Variants in STS observed in about 807,000 individuals in gnomAD.
STS encodes the protein steryl-sulfatase.
A neutral mutation model predicts 26.8 loss-of-function variants in STS; 7 were observed. The observed-to-expected ratio is 0.26, with a 90% CI of 0.15 to 0.49. The LOEUF (loss-of-function observed/expected upper bound fraction) is 0.49, where lower values mean the gene tolerates loss of function less well. Ranked by LOEUF, STS falls within the 20% of genes least tolerant of loss-of-function variation. STS has a pLI of 0.98. For missense variants in STS, 434 were observed against 465.6 expected, an observed-to-expected ratio of 0.93 and a Z score of 0.63; for synonymous variants, 199 against 189.4, an observed-to-expected ratio of 1.05 and a Z score of -0.42.
intron 7 of STS, among the ~76,000 whole-genome samples, chrX:7,295,730 A>G (rs1925633565): frequency 9.0e-6 from 1 of 111,155 alleles, no homozygotes; most frequent in Non-Finnish European, 1.9e-5. Flanking sequence ...CATAAAGCAA[A>G]CAGATCATCC....
intron 8 of STS, among the ~76,000 whole-genome samples, chrX:7,309,673 A>G (rs1006512321): frequency 8.0e-5 from 9 of 111,932 alleles, no homozygotes; most frequent in Non-Finnish European, 1.3e-4. Context: ...TCAATAGGTT[A>G]TTCCTTTTAA....
At chrX:7,313,524 CT>C (rs1426853586) in intron 8 of STS, among the ~76,000 whole-genome samples, 16 of 112,446 alleles carry the variant, frequency 1.4e-4, no homozygotes, top group African/African-American at 5.2e-4. Flanking sequence ...TTGTCATTGG[CT>C]TCCCAAGAGT....
chrX:7,288,250 GA>G (rs1203654196), intron 7 of STS, among the ~76,000 whole-genome samples: 4 of 107,244 alleles, frequency 3.7e-5, no homozygotes, highest in African/African-American at 1.0e-4. Flanking sequence ...GTAATTGGAA[GA>G]TTTTTTTTTT....
chrX:7,266,446 A>G (rs1311408021), intron 6 of STS, among the ~76,000 whole-genome samples: 3 of 111,827 alleles, frequency 2.7e-5, no homozygotes, highest in Admixed American at 9.5e-5. Context: ...CTGGGATTCC[A>G]AGCACATATT....
chrX:7,219,667 A>C (rs2147048317), intron 2 of STS: 2 of 1,211,685 alleles, frequency 1.7e-6, no homozygotes, highest in Non-Finnish European at 2.2e-6. Context: ...ACAGGATCAC[A>C]AGCTGGAGAT....
At chrX:7,177,012 G>A (rs1407597924) in intron 1 of STS, among the ~76,000 whole-genome samples, 2 of 111,725 alleles carry the variant, frequency 1.8e-5, no homozygotes, top group African/African-American at 3.2e-5. Context: ...TTCCCACAGC[G>A]TGTATCATTT....
chrX:7,293,157 A>C (rs1396196928), intron 7 of STS, among the ~76,000 whole-genome samples: 1 of 111,823 alleles, frequency 8.9e-6, no homozygotes, highest in African/African-American at 3.3e-5. Context: ...TGCCATCTCT[A>C]CTTCCGGGTT....
At chrX:7,247,698 G>C (rs766309386) in intron 2 of STS, among the ~76,000 whole-genome samples, 4 of 111,814 alleles carry the variant, frequency 3.6e-5, no homozygotes, top group Non-Finnish European at 7.5e-5. Flanking sequence ...GCAATGGCTG[G>C]TAGAGTCTGG....
At chrX:7,238,643 A>G (rs1220982855) in intron 2 of STS, among the ~76,000 whole-genome samples, 4 of 111,051 alleles carry the variant, frequency 3.6e-5, no homozygotes, top group Non-Finnish European at 7.5e-5. Context: ...AACCTGGACT[A>G]CATAGCGAGA....
rs1923617038 is a variant in STS, at chrX:7,259,516, C to A, written c.550C>A (p.Pro184Thr). ...TTGFKRLVFL[P>T]LQIVGVTLLT... is the part of the protein sequence containing the mutation. The stretch of plus-strand genomic sequence containing the variant: ...GGGCTTCAAGAGGCTGGTCTTCCTC[C>A]CCCTGCAGATCGTCGGGGTCACCCT... Residue 184 changes from proline to threonine, a missense_variant, in exon 6 of 11, where the codon CCC becomes ACC. Physicochemically the swap from Pro to Thr is conservative, Grantham distance 38. Transcript: ENST00000674429. 8.3e-7 allele frequency: 1 copy of A among 1,210,060 alleles called. No individual in the cohort carries two copies. Among genetic ancestry groups the A allele is most frequent in the Non-Finnish European group, 1.1e-6 (1 of 895,183 alleles).
chrX:7,252,133 A>G, intron 2 of STS: 1 of 191,311 alleles, frequency 5.2e-6, no homozygotes. Flanking sequence ...CCAGTGAGAA[A>G]AATAAAGTAT....
intron 7 of STS, among the ~76,000 whole-genome samples, chrX:7,282,350 G>T (rs1440188127): frequency 1.8e-5 from 2 of 111,512 alleles, no homozygotes; most frequent in Non-Finnish European, 3.8e-5. Context: ...GCAGATGCTT[G>T]CCCCCAAGCC....
intron 2 of STS, among the ~76,000 whole-genome samples, chrX:7,235,919 G>A (rs1022134549): frequency 2.7e-5 from 3 of 111,596 alleles, no homozygotes; most frequent in Admixed American, 9.5e-5. Context: ...ATAACCTTTA[G>A]ATAAGCTTTG....
intron 7 of STS, among the ~76,000 whole-genome samples, chrX:7,302,507 GT>G (rs1471485180): frequency 3.6e-5 from 4 of 111,705 alleles, no homozygotes; most frequent in African/African-American, 1.3e-4. Flanking sequence ...TGGCCCTCGG[GT>G]GTCTTATTTT....
intron 10 of STS, among the ~76,000 whole-genome samples, chrX:7,335,326 T>C (rs1927964573): frequency 8.9e-6 from 1 of 112,542 alleles, no homozygotes; most frequent in African/African-American, 3.2e-5. Flanking sequence ...GGTATCTCAT[T>C]GTGGTTTTGA....
chrX:7,307,386 A>G (rs1370174066), intron 8 of STS, among the ~76,000 whole-genome samples: 3 of 111,284 alleles, frequency 2.7e-5, no homozygotes, highest in Non-Finnish European at 5.7e-5. Context: ...CCAGCGCAGT[A>G]AGGCCAAACA....
chrX:7,327,159 C>A (rs1033333014), intron 9 of STS, among the ~76,000 whole-genome samples: 1 of 110,991 alleles, frequency 9.0e-6, no homozygotes, highest in Non-Finnish European at 1.9e-5. Flanking sequence ...CATCATTTAC[C>A]CTGTGGCCAC....
At chrX:7,160,744 T>A (rs1260653522) in intron 1 of STS, among the ~76,000 whole-genome samples, 1 of 112,177 alleles carries the variant, frequency 8.9e-6, no homozygotes, top group Non-Finnish European at 1.9e-5. Flanking sequence ...TTCTAAAGGA[T>A]GAATTTGAGA....
chrX:7,233,195 G>A (rs763361264), intron 2 of STS, among the ~76,000 whole-genome samples: 2 of 101,726 alleles, frequency 2.0e-5, no homozygotes, highest in South Asian at 9.5e-4. Flanking sequence ...CAGGGTTCAA[G>A]CAATTCTCCT....
Sources: allele counts gnomAD v4.1 joint callset (sites outside exome capture counted in the v4.1 genomes callset), GRCh38; gene constraint gnomAD v4.1.1; transcripts MANE v1.5; gene names NCBI Gene and HGNC (gene_info 2026-07-23, HGNC 2026-07-21).